CSMD1: variants seen among roughly 807,000 people sequenced by gnomAD.
CSMD1 encodes CUB and sushi domain-containing protein 1.
A neutral mutation model predicts 417.5 loss-of-function variants in CSMD1; 213 were observed. The observed-to-expected ratio is 0.51, with a 90% confidence interval of 0.46 to 0.57. The LOEUF (loss-of-function observed/expected upper bound fraction) is 0.57, where lower values mean the gene tolerates loss of function less well. Among genes scored for constraint, CSMD1 ranks in the 20% least tolerant of loss-of-function variants. The pLI, the probability that CSMD1 is intolerant of heterozygous loss-of-function variation, is 0.00. For synonymous variants in CSMD1, 2,862 were observed against 1,736.8 expected (o/e 1.65, Z -16.11); for missense variants, 6,923 against 4,529.7 (o/e 1.53, Z -15.17).
rs562147313 is a variant in CSMD1 at position 4,500,017 on chromosome 8, G to T, written c.303-79952C>A. On this transcript the variant is annotated intron_variant, in intron 2 of 69. Transcript: ENST00000635120. ...GGACATCCACAAGAGAGAAAGAAGCGGGAGAAGTTGTAGGAGGTGAAAAGT... is the reference window on the plus strand; with the variant it reads ...GGACATCCACAAGAGAGAAAGAAGCTGGAGAAGTTGTAGGAGGTGAAAAGT... Among the ~76,000 whole-genome samples the T allele has an allele frequency of 5.4e-3, 821 of 152,100 alleles. 5 individuals are homozygous for T. The highest frequency in any genetic ancestry group is 9.4e-3 in the Non-Finnish European group (641 of 68,002).
rs75245554 is a variant in CSMD1 at position 4,065,453 on chromosome 8, G to A, written c.416-33354C>T. Among the ~76,000 whole-genome samples, 8 of 152,246 alleles carry A rather than the reference G, an allele frequency of 5.3e-5. No homozygotes were observed. In the East Asian group the frequency reaches 1.2e-3, roughly 22 times the overall value. On this transcript the variant is annotated intron_variant, in intron 3 of 69. Transcript: ENST00000635120. ...ATTGAATCAATATAATAGGAAATTT[G>A]GCTTTTCTTTTACTGAATGTACATT...
intron 2 of CSMD1, among the ~76,000 whole-genome samples, chr8:4,468,966 G>C (rs189599235): frequency 3.3e-5 from 5 of 152,146 alleles, no homozygotes; most frequent in Non-Finnish European, 5.9e-5. Flanking sequence ...TCAAGAGCAT[G>C]ATGTGAGATG....
intron 5 of CSMD1, among the ~76,000 whole-genome samples, chr8:3,915,992 T>C (rs1344040592): frequency 6.6e-6 from 1 of 151,564 alleles, no homozygotes; most frequent in Non-Finnish European, 1.5e-5. Context: ...TTCATAAGAT[T>C]GATATAATGC....
At chr8:4,048,498 T>A (rs1251281982) in intron 3 of CSMD1, among the ~76,000 whole-genome samples, 1 of 152,150 alleles carries the variant, frequency 6.6e-6, no homozygotes, top group East Asian at 1.9e-4. Context: ...ATGAACAAAC[T>A]GAGGCAGAAA....
At chr8:4,764,891 A>C (rs1216672924) in intron 1 of CSMD1, among the ~76,000 whole-genome samples, 72 of 35,346 alleles carry the variant, frequency 2.0e-3, no homozygotes, top group African/African-American at 9.5e-3. Flanking sequence ...AAAAAAAAAA[A>C]AAACAACAAC....
chr8:3,476,971 G>C (rs373102749), intron 11 of CSMD1, among the ~76,000 whole-genome samples: 1 of 151,410 alleles, frequency 6.6e-6, no homozygotes, highest in Non-Finnish European at 1.5e-5. Context: ...AGTTGGGGGA[G>C]CCTGTCAACA....
At chr8:4,438,259 C>G (rs944823397) in intron 2 of CSMD1, among the ~76,000 whole-genome samples, 19 of 152,194 alleles carry the variant, frequency 1.2e-4, no homozygotes, top group African/African-American at 2.4e-4. Flanking sequence ...GAGTGCAGTT[C>G]TTTAAGGTTG....
chr8:4,116,459 G>A (rs2130926886), intron 3 of CSMD1, among the ~76,000 whole-genome samples: 1 of 134,012 alleles, frequency 7.5e-6, no homozygotes, highest in Non-Finnish European at 1.6e-5. Context: ...GTGCCTGAAT[G>A]GAACAAACGC....
rs546365953 is a variant in CSMD1 at position 4,981,057 on chromosome 8, C to T, written c.85+13275G>A. On this transcript the variant is annotated intron_variant, in intron 1 of 69. Transcript: ENST00000635120. ...TAGAAGAAACCAAACAAGATTCAAGCGTGAACACCATGATGCGTGCATCTT... is the reference window on the plus strand; with the variant it reads ...TAGAAGAAACCAAACAAGATTCAAGTGTGAACACCATGATGCGTGCATCTT... Among the ~76,000 whole-genome samples, 3 of 152,286 alleles carry T rather than the reference C, an allele frequency of 2.0e-5. No individual in the cohort carries two copies. In the South Asian group the frequency reaches 6.2e-4, roughly 32 times the overall value.
intron 23 of CSMD1, among the ~76,000 whole-genome samples, chr8:3,311,769 T>C (rs2117418164): frequency 6.6e-6 from 1 of 150,770 alleles, no homozygotes; most frequent in Non-Finnish European, 1.5e-5. Flanking sequence ...GTTCTGATTG[T>C]ACAGAAGCGT....
At chr8:3,213,665 G>A (rs988090252) in intron 30 of CSMD1, among the ~76,000 whole-genome samples, 13 of 148,570 alleles carry the variant, frequency 8.8e-5, no homozygotes, top group African/African-American at 3.1e-4. Context: ...AGATAAATAG[G>A]TGTAAATATA....
At chr8:3,956,730 G>A (rs780829626) in intron 5 of CSMD1, among the ~76,000 whole-genome samples, 1 of 152,034 alleles carries the variant, frequency 6.6e-6, no homozygotes, top group Admixed American at 6.6e-5. Context: ...AAGTTCAGTT[G>A]GGCTGAACGT....
intron 3 of CSMD1, among the ~76,000 whole-genome samples, chr8:4,316,196 G>C (rs1798919752): frequency 6.6e-6 from 1 of 152,072 alleles, no homozygotes; most frequent in Non-Finnish European, 1.5e-5. Context: ...AAGAGAGCAG[G>C]ACCCCATATT....
chr8:2,957,575 C>T (rs1402640340), intron 63 of CSMD1, 121 bp downstream of exon 63: 1 of 700,472 alleles, frequency 1.4e-6, no homozygotes, highest in Non-Finnish European at 2.4e-6. Flanking sequence ...TGAGGACATC[C>T]GAAAATTTAG....
Position 4,667,926 on chromosome 8 carries a change from T to A in CSMD1, c.86-30368A>T, listed in dbSNP as rs189808665. ...GGTTAGAGTGGCCATCTTTGCCTGG[T>A]TCACACATACGTCTTTGAAACAATT... is the stretch of plus-strand genomic sequence containing the variant. On this transcript the variant is annotated intron_variant, in intron 1 of 69. Coordinates refer to ENST00000635120, the MANE Select transcript of CSMD1 (RefSeq NM_033225.6). Among the ~76,000 whole-genome samples, 644 of 152,348 alleles carry A rather than the reference T, an allele frequency of 4.2e-3. 4 individuals carry two copies. Among genetic ancestry groups the A allele is most frequent in the Non-Finnish European group, 6.6e-3 (447 of 68,034 alleles).
chr8:4,719,022 G>A (rs1161034052), intron 1 of CSMD1, among the ~76,000 whole-genome samples: 3 of 152,062 alleles, frequency 2.0e-5, no homozygotes, highest in African/African-American at 4.8e-5. Flanking sequence ...GAAAACAACT[G>A]AAGTTTATAT....
At chr8:4,365,232 G>A (rs1051407223) in intron 3 of CSMD1, among the ~76,000 whole-genome samples, 3 of 152,112 alleles carry the variant, frequency 2.0e-5, no homozygotes, top group African/African-American at 7.2e-5. Flanking sequence ...TTTTGTTAAT[G>A]CTTAAGTAGT....
At chr8:3,080,155 A>C (rs748888512) in intron 49 of CSMD1, among the ~76,000 whole-genome samples, 4 of 152,224 alleles carry the variant, frequency 2.6e-5, no homozygotes, top group Non-Finnish European at 5.9e-5. Context: ...TTGAAAGTAA[A>C]TAGCTGCCTG....
At chr8:3,711,369 G>C (rs147986267) in intron 6 of CSMD1, among the ~76,000 whole-genome samples, 120 of 152,296 alleles carry the variant, frequency 7.9e-4, no homozygotes, top group African/African-American at 2.8e-3. Context: ...GCTGGCCAGA[G>C]GGTGGCTGTT....
Sources: gnomAD v4.1 joint callset for allele counts (sites outside exome capture counted in the v4.1 genomes callset) on GRCh38, gnomAD v4.1.1 for gene constraint, MANE v1.5 for transcripts, NCBI Gene and HGNC (gene_info 2026-07-23, HGNC 2026-07-21) for gene names.